Variants in ITGA1 observed in about 807,000 individuals in gnomAD.
ITGA1 encodes integrin subunit alpha 1, also known as integrin alpha-1.
In ITGA1, 85 loss-of-function variants were observed where a neutral mutation model predicts 145.9. The observed-to-expected ratio is 0.58, with a 90% CI of 0.49 to 0.70. The LOEUF (loss-of-function observed/expected upper bound fraction) is 0.70. Ranked by LOEUF, ITGA1 falls within the 30% of genes least tolerant of loss-of-function variation. The pLI is 0.00. For synonymous variants in ITGA1, 520 were observed against 495.3 expected, an observed-to-expected ratio of 1.05 and a Z score of -0.66; for missense variants, 1,351 against 1,418.7, an observed-to-expected ratio of 0.95 and a Z score of 0.77.
intron 7 of ITGA1, among the ~76,000 whole-genome samples, chr5:52,884,970 C>T (rs189368317): frequency 1.3e-5 from 2 of 152,274 alleles, no homozygotes; most frequent in East Asian, 1.9e-4. Flanking sequence ...ATTTGTCCAA[C>T]GTGGCTACAA....
chr5:52,881,770 A>G, intron 6 of ITGA1, 103 bp from the exon 7 acceptor site: 2 of 1,058,776 alleles, frequency 1.9e-6, no homozygotes, highest in Non-Finnish European at 2.7e-6. Flanking sequence ...TAGGTTTGCA[A>G]ACTCATCTGA....
At chr5:52,887,476 C>T (rs1233855191) in intron 7 of ITGA1, among the ~76,000 whole-genome samples, 3 of 152,134 alleles carry the variant, frequency 2.0e-5, no homozygotes, top group African/African-American at 7.2e-5. Flanking sequence ...GAAAGGAGCA[C>T]CTGGGGGAGT....
At position 52,858,002 on chromosome 5, in the gene ITGA1, C is replaced by T. The variant is rs867591694; in HGVS notation, c.183-3445C>T. 3.9e-5 allele frequency among the ~76,000 whole-genome samples: 6 copies of T among 152,274 alleles called. No individual in the cohort carries two copies. The Middle Eastern group carries it at 0.01, about 259-fold the overall frequency. On this transcript the variant is annotated intron_variant, in intron 2 of 28. Transcript: ENST00000282588. ...TCTTGGATCTACTTTTGGAGAAACCCGAACTAAGACAGCTTATATCCTAAA... is the reference window on the plus strand; with the variant it reads ...TCTTGGATCTACTTTTGGAGAAACCTGAACTAAGACAGCTTATATCCTAAA...
At chr5:52,895,890 G>A (rs555799486) in intron 9 of ITGA1, among the ~76,000 whole-genome samples, 2 of 152,136 alleles carry the variant, frequency 1.3e-5, no homozygotes, top group Admixed American at 6.5e-5. Flanking sequence ...ATTTAAAAAG[G>A]CTTTATTTCT....
At chr5:52,910,564 T>C in intron 14 of ITGA1, 145 bp downstream of exon 14, 3 of 773,308 alleles carry the variant, frequency 3.9e-6, no homozygotes, top group Non-Finnish European at 2.0e-6. Flanking sequence ...AAGTGTTTTT[T>C]ATAGATTAGT....
chr5:52,850,286 C>CATA (rs1749409681), intron 2 of ITGA1, among the ~76,000 whole-genome samples: 1 of 152,152 alleles, frequency 6.6e-6, no homozygotes, highest in Admixed American at 6.5e-5. Context: ...AGGCGTGAGC[C>CATA]ATAGCACCTG....
At chr5:52,879,469 C>T (rs1176611055) in intron 6 of ITGA1, among the ~76,000 whole-genome samples, 1 of 152,124 alleles carries the variant, frequency 6.6e-6, no homozygotes, top group Non-Finnish European at 1.5e-5. Context: ...TTACACTGAA[C>T]ATTTATATAC....
chr5:52,800,137 G>A, intron 1 of ITGA1: 1 of 517,540 alleles, frequency 1.9e-6, no homozygotes, highest in Non-Finnish European at 3.5e-6. Context: ...CGGGAACTGT[G>A]TAGGGGTAGA....
intron 7 of ITGA1, among the ~76,000 whole-genome samples, chr5:52,887,435 C>G (rs1393025570): frequency 6.6e-6 from 1 of 152,078 alleles, no homozygotes. Flanking sequence ...AGAAAAGAGG[C>G]CTGTTAAATG....
At chr5:52,848,228 A>G (rs1043442563) in intron 1 of ITGA1, among the ~76,000 whole-genome samples, 1 of 152,238 alleles carries the variant, frequency 6.6e-6, no homozygotes, top group African/African-American at 2.4e-5. Flanking sequence ...ATAGGAAGCC[A>G]TCTCTGAGTG....
At chr5:52,933,098 C>T (rs936684262) in intron 22 of ITGA1, 7 of 151,960 alleles carry the variant, frequency 4.6e-5, no homozygotes, top group Non-Finnish European at 5.9e-5. Flanking sequence ...GTAATTGGAA[C>T]ATCCATTGTC....
intron 6 of ITGA1, among the ~76,000 whole-genome samples, chr5:52,876,019 T>C (rs1749860522): frequency 6.6e-6 from 1 of 152,196 alleles, no homozygotes; most frequent in Admixed American, 6.5e-5. Flanking sequence ...TGGCTATTTT[T>C]GAGCTGGCTT....
At chr5:52,862,958 G>A (rs922076405) in intron 3 of ITGA1, among the ~76,000 whole-genome samples, 1 of 152,016 alleles carries the variant, frequency 6.6e-6, no homozygotes, top group African/African-American at 2.4e-5. Context: ...ATCCTTGCCT[G>A]ATAATTCCAA....
intron 1 of ITGA1, 79 bp downstream of exon 1, chr5:52,788,493 A>T: frequency 1.7e-6 from 2 of 1,195,110 alleles, no homozygotes; most frequent in Non-Finnish European, 2.2e-6. Context: ...CCTCAGAGCC[A>T]TGGGCCAGAT....
At chr5:52,896,449 A>G (rs1053921647) in intron 9 of ITGA1, among the ~76,000 whole-genome samples, 1 of 152,208 alleles carries the variant, frequency 6.6e-6, no homozygotes, top group African/African-American at 2.4e-5. Context: ...TTAAAATGAT[A>G]TATTTGAATT....
chr5:52,920,322 A>T lies in ITGA1; in HGVS notation c.2156-10A>T. ...ACATTTCCATCAATTATTTTTTAAA[A>T]TTTTTGTAGATTTGCAGTACCGTGT... On this transcript the variant is annotated splice_polypyrimidine_tract_variant and intron_variant, in intron 16 of 28. Transcript: ENST00000282588. 2 of 1,573,588 alleles carry T rather than the reference A, an allele frequency of 1.3e-6. No individual in the cohort carries two copies. The highest frequency in any genetic ancestry group is 1.7e-4 in the Middle Eastern group (1 of 5,856).
chr5:52,866,582 T>G (rs1238727101), intron 6 of ITGA1, among the ~76,000 whole-genome samples: 1 of 152,178 alleles, frequency 6.6e-6, no homozygotes, highest in East Asian at 1.9e-4. Flanking sequence ...TAAAGCCTGT[T>G]GTCCTTTCTG....
chr5:52,882,080 T>C, intron 7 of ITGA1, 59 bp downstream of exon 7: 1 of 1,403,314 alleles, frequency 7.1e-7, no homozygotes. Context: ...GCTCATGATT[T>C]AGCCTTTTGG....
rs1750687463 is a variant in ITGA1, at chr5:52,918,774, G to A, written c.2031G>A (p.Glu677=). The A allele has an allele frequency of 2.5e-6, 4 of 1,611,880 alleles. No individual in the cohort carries two copies. The highest frequency in any genetic ancestry group is 3.4e-6 in the Non-Finnish European group (4 of 1,178,972). ...VAVVKVTMNF[E]PNKVNIQKKN... is the part of the protein sequence containing the mutation. ...TAGTTAAAGTGACCATGAATTTTGA[G>A]CCAAATAAAGTGAATATTCAAAAGA... Residue 677 remains glutamate, a synonymous_variant, in exon 16 of 29, where the codon GAG becomes GAA. Transcript: ENST00000282588.
Sources: gnomAD v4.1 joint callset for allele counts (sites outside exome capture counted in the v4.1 genomes callset) on GRCh38, gnomAD v4.1.1 for gene constraint, MANE v1.5 for transcripts, NCBI Gene and HGNC (gene_info 2026-07-23, HGNC 2026-07-21) for gene names.